The following ZNF17 variants were observed in gnomAD, a reference collection of about 807,000 sequenced individuals.
The protein encoded by ZNF17 is zinc finger protein 17, also known as zinc finger protein 17 (HPF3, KOX 10).
ZNF17 carries 4 observed loss-of-function variants against 7.7 expected under a neutral mutation model. That is an observed-to-expected ratio of 0.52 (90% CI 0.26 to 1.20). ZNF17 has a LOEUF of 1.20. Among genes scored for constraint, ZNF17 ranks in the 50% most tolerant of loss-of-function variants. ZNF17 has a pLI of 0.14. For synonymous variants in ZNF17, 249 were observed against 258.8 expected, an observed-to-expected ratio of 0.96 and a Z score of 0.36; for missense variants, 738 against 799.5, an observed-to-expected ratio of 0.92 and a Z score of 0.93.
In ZNF17 at chr19:57,417,989, C is replaced by T. The variant is rs768135558; in HGVS notation, c.99C>T (p.His33=). ...GAATTCTTAATGACGTTCAGAGACA[C>T]CTGCACAGCGATGTGATGCTGGAGA... ...EWGILNDVQR[H]LHSDVMLENF... The change falls in exon 3 of 4, where the codon CAC becomes CAT. Residue 33 remains histidine, a synonymous_variant. Coordinates refer to ENST00000307658, the MANE Select transcript of ZNF17 (RefSeq NM_001330617.2). The T allele has an allele frequency of 6.2e-7, 1 of 1,614,126 alleles. No homozygotes were observed. Among genetic ancestry groups the T allele is most frequent in the Admixed American group, 1.7e-5 (1 of 59,996 alleles).
chr19:57,421,631 G>C lies in ZNF17; in HGVS notation c.*150G>C. On this transcript the variant is annotated 3_prime_UTR_variant, in exon 4 of 4. Transcript: ENST00000307658. ...TAACCATGTTAAAGTGTATAGTTCA[G>C]TACTGTTAAGTCATTCACATTGTGC... 1.1e-6 allele frequency: 1 copy of C among 876,094 alleles called. No homozygotes were observed. The highest frequency in any genetic ancestry group is 1.7e-6 in the Non-Finnish European group (1 of 594,372). The allele number at this position is 876,094 out of a possible 1,614,324, so 54.3% of individuals were successfully genotyped here. A position where few individuals can be genotyped will look rare whatever the true frequency, so the allele number is the denominator to read the frequency against.
At chr19:57,418,499 G>A (rs2088825883) in intron 3 of ZNF17, among the ~76,000 whole-genome samples, 1 of 152,218 alleles carries the variant, frequency 6.6e-6, no homozygotes, top group Admixed American at 6.5e-5. Flanking sequence ...AGCATGTCCT[G>A]GGTTTATTGC....
intron 1 of ZNF17, 111 bp downstream of exon 1, chr19:57,411,517 G>A (rs2123058769): frequency 6.7e-7 from 1 of 1,498,614 alleles, no homozygotes; most frequent in South Asian, 1.3e-5. Context: ...GAGCGTTCTT[G>A]TGTGGGGTAC....
chr19:57,418,888 T>TTTTTGTTTTTG (rs1568538553), intron 3 of ZNF17, among the ~76,000 whole-genome samples: 2 of 150,450 alleles, frequency 1.3e-5, no homozygotes, highest in African/African-American at 5.0e-5. Flanking sequence ...TTTTTGTTTT[T>TTTTTGTTTTTG]TTTTTGTTTT....
Position 57,420,227 on chromosome 19 carries a change from T to A in ZNF17, c.741T>A (p.Pro247=). 2 of 1,614,220 alleles carry A rather than the reference T, an allele frequency of 1.2e-6. No individual in the cohort carries two copies. Among genetic ancestry groups the A allele is most frequent in the Non-Finnish European group, 8.5e-7 (1 of 1,180,030 alleles). The part of the protein sequence containing the change: ...KHQRNHTGER[P]YKCSECGKAF... ...AGCGAAATCATACTGGAGAAAGGCCTTATAAGTGTAGTGAATGTGGAAAAG... is the reference window on the plus strand; with the variant it reads ...AGCGAAATCATACTGGAGAAAGGCCATATAAGTGTAGTGAATGTGGAAAAG... The change falls in exon 4 of 4, where the codon CCT becomes CCA. Residue 247 remains proline, a synonymous_variant. Coordinates refer to ENST00000307658, the MANE Select transcript of ZNF17 (RefSeq NM_001330617.2).
At chr19:57,411,519 G>C (rs1018215809) in intron 1 of ZNF17, 113 bp downstream of exon 1, 1 of 1,495,462 alleles carries the variant, frequency 6.7e-7, no homozygotes, top group Admixed American at 2.2e-5. Flanking sequence ...GCGTTCTTGT[G>C]TGGGGTACCG....
chr19:57,413,008 G>T (rs2088788492), intron 1 of ZNF17, among the ~76,000 whole-genome samples: 1 of 152,012 alleles, frequency 6.6e-6, no homozygotes, highest in Admixed American at 6.6e-5. Context: ...CTCCCGAGTA[G>T]CTGGGATTAC....
At chr19:57,419,065 G>A (rs1378658143) in intron 3 of ZNF17, 1 of 152,728 alleles carries the variant, frequency 6.5e-6, no homozygotes, top group Non-Finnish European at 1.5e-5. Context: ...ATTTTTAGTA[G>A]AGACGGTGTT....
Position 57,419,784 on chromosome 19 carries a change from C to T in ZNF17, c.298C>T (p.His100Tyr). Reference protein sequence around the residue: ...TCSSLLKDILHLAEHDGTHPK... With the variant: ...TCSSLLKDILYLAEHDGTHPK... The stretch of plus-strand genomic sequence containing the variant: ...TAGCTCACTTCTGAAGGACATTCTA[C>T]ACCTGGCTGAGCATGACGGAACACA... Residue 100 changes from histidine to tyrosine, a missense_variant, in exon 4 of 4, where the codon CAC becomes TAC. Transcript: ENST00000307658. 1 of 1,614,204 alleles carries T rather than the reference C, an allele frequency of 6.2e-7. No individual in the cohort carries two copies. The highest frequency in any genetic ancestry group is 8.5e-7 in the Non-Finnish European group (1 of 1,180,038).
intron 2 of ZNF17, 61 bp from the exon 3 acceptor site, chr19:57,417,851 A>C: frequency 1.9e-6 from 3 of 1,580,982 alleles, no homozygotes; most frequent in Admixed American, 3.8e-5. Context: ...ATCTCAAAAA[A>C]AAAAAAAAAA....
Position 57,420,934 on chromosome 19 carries a change from A to T in ZNF17, c.1448A>T (p.Asp483Val). 3 of 1,614,132 alleles carry T rather than the reference A, an allele frequency of 1.9e-6. No individual in the cohort carries two copies. Among genetic ancestry groups the T allele is most frequent in the Non-Finnish European group, 1.7e-6 (2 of 1,179,982 alleles). Reference protein sequence around the residue: ...ECSECGKFFVDSCTLKSHQRV... With the variant: ...ECSECGKFFVVSCTLKSHQRV... ...AGTGAATGTGGCAAATTCTTTGTGG[A>T]CAGCTGTACACTGAAGAGTCATCAG... The change falls in exon 4 of 4, where the codon GAC (aspartate) becomes GTC (valine). Residue 483 changes from aspartate to valine, a missense_variant. Around this residue, in one of 3 missense-constraint regions of ZNF17, gnomAD observed 616 missense variants for 663.9 expected, o/e 0.93. Transcript: ENST00000307658.
chr19:57,419,946 G>C lies in ZNF17; in HGVS notation c.460G>C (p.Gly154Arg), dbSNP rs766237970. 6.2e-7 allele frequency: 1 copy of C among 1,614,198 alleles called. No individual in the cohort carries two copies. The highest frequency in any genetic ancestry group is 8.5e-7 in the Non-Finnish European group (1 of 1,180,030). ...LAKRNLTCMQ[G>R]GKDFTGDSDL... is the part of the protein sequence containing the mutation. ...AAAGAGGAACCTCACATGCATGCAGGGTGGCAAGGATTTTACTGGTGATTC... is the reference window on the plus strand; with the variant it reads ...AAAGAGGAACCTCACATGCATGCAGCGTGGCAAGGATTTTACTGGTGATTC... Residue 154 changes from glycine (G) to arginine (R), a missense_variant, in exon 4 of 4, where the codon GGT (glycine) becomes CGT (arginine). Physicochemically the swap from Gly to Arg is moderately radical, Grantham distance 125 (BLOSUM62 -2). This residue lies in a region of ZNF17 where 616 missense variants were observed against 663.9 expected (regional missense o/e 0.93). Transcript: ENST00000307658.
Position 57,411,411 on chromosome 19 carries a change from G to T in ZNF17, c.-21+5G>T. 6.2e-7 allele frequency: 1 copy of T among 1,611,674 alleles called. No individual in the cohort carries two copies. Among genetic ancestry groups the T allele is most frequent in the Admixed American group, 1.7e-5 (1 of 59,940 alleles). ...GCGCCGATGAACCTGACTGAGGTGG[G>T]TGCCGCGTCCCAGGGCGCCCCGCCC... On this transcript the variant is annotated splice_donor_5th_base_variant and intron_variant, in intron 1 of 3. Transcript: ENST00000307658.
intron 2 of ZNF17, among the ~76,000 whole-genome samples, chr19:57,417,235 CA>C (rs2088816389): frequency 6.6e-6 from 1 of 151,960 alleles, no homozygotes; most frequent in African/African-American, 2.4e-5. Context: ...GGCAGATGCA[CA>C]GTTGAAGGGA....
intron 2 of ZNF17, 65 bp from the exon 3 acceptor site, chr19:57,417,845 CAA>C (rs71186259): frequency 0.02 from 24,959 of 1,265,802 alleles, no homozygotes; most frequent in East Asian, 0.031. Flanking sequence ...GACTCCATCT[CAA>C]AAAAAAAAAA....
chr19:57,417,214 T>TA (rs2088816200), intron 2 of ZNF17, among the ~76,000 whole-genome samples: 1 of 151,994 alleles, frequency 6.6e-6, no homozygotes, highest in African/African-American at 2.4e-5. Flanking sequence ...AAATAGCGGA[T>TA]TTGGTCAGGT....
chr19:57,417,649 C>G (rs541920466), intron 2 of ZNF17, among the ~76,000 whole-genome samples: 169 of 152,058 alleles, frequency 1.1e-3, no homozygotes, highest in Non-Finnish European at 1.8e-3. Context: ...GAGTTCTAGA[C>G]CAGCCTGAAC....
At chr19:57,418,372 T>C in intron 3 of ZNF17, among the ~76,000 whole-genome samples, 1 of 152,190 alleles carries the variant, frequency 6.6e-6, no homozygotes, top group East Asian at 1.9e-4. Flanking sequence ...TTCTTCTTGC[T>C]GACATAGGGA....
rs1012241477 is a variant in ZNF17 at position 57,414,732 on chromosome 19, A to G, written c.21+1096A>G. On this transcript the variant is annotated intron_variant, in intron 2 of 3. Transcript: ENST00000307658. ...TAGATTCTTTTTTTTTTTTTTTGAGACGGAGTCTCCCTCTGTCGCCCAGGC... is the reference window on the plus strand; with the variant it reads ...TAGATTCTTTTTTTTTTTTTTTGAGGCGGAGTCTCCCTCTGTCGCCCAGGC... Among the ~76,000 whole-genome samples, 9 of 147,208 alleles carry G rather than the reference A, an allele frequency of 6.1e-5. No homozygotes were observed. The East Asian group carries it at 1.8e-3, about 29-fold the overall frequency.
Sources: gnomAD v4.1 joint callset for allele counts (sites outside exome capture counted in the v4.1 genomes callset) on GRCh38, gnomAD v4.1.1 for gene constraint, gnomAD v4.1.1 regional missense constraint, MANE v1.5 for transcripts, NCBI Gene and HGNC (gene_info 2026-07-23, HGNC 2026-07-21) for gene names.